JAK2: variants seen among roughly 807,000 people sequenced by gnomAD.
The protein encoded by JAK2 is Janus kinase 2.
JAK2 carries 86 observed loss-of-function variants against 139.3 expected under a neutral mutation model. That is an observed-to-expected ratio of 0.62 (90% CI 0.52 to 0.74). The LOEUF is 0.74. Ranked by LOEUF, JAK2 falls within the 30% of genes least tolerant of loss-of-function variation. JAK2 has a pLI of 0.00. For missense variants in JAK2, 1,421 were observed against 1,360.3 expected (o/e 1.04, Z -0.70); for synonymous variants, 490 against 437.7 (o/e 1.12, Z -1.49).
At chr9:5,041,161 T>A (rs961219553) in intron 4 of JAK2, 12 of 1,192,032 alleles carry the variant, frequency 1.0e-5, no homozygotes, top group Admixed American at 3.6e-5. Context: ...CGCGCATGGA[T>A]TATGTGCACA....
At chr9:5,125,158 A>G (rs577684263) in intron 23 of JAK2, among the ~76,000 whole-genome samples, 4 of 151,360 alleles carry the variant, frequency 2.6e-5, no homozygotes, top group African/African-American at 4.8e-5. Context: ...GACCACCTCA[A>G]TATTGTGGTA....
At chr9:5,084,114 A>T (rs564403156) in intron 19 of JAK2, among the ~76,000 whole-genome samples, 19 of 152,304 alleles carry the variant, frequency 1.2e-4, no homozygotes, top group African/African-American at 4.3e-4. Context: ...TCTTTTAAAC[A>T]TAAGTAAATT....
rs147352504 is a variant in JAK2, at chr9:5,015,461, G to A, written c.-25-6502G>A. On this transcript the variant is annotated intron_variant, in intron 2 of 24. Coordinates refer to ENST00000381652, the MANE Select transcript of JAK2 (RefSeq NM_004972.4). ...GTACAGAAGTAATAGTGAGTTAAAC[G>A]GCTGGCACCTTAGCACAAATCAAAG... Among the ~76,000 whole-genome samples, 184 of 152,226 alleles carry A rather than the reference G, an allele frequency of 1.2e-3. 1 individual carries two copies. The highest frequency in any genetic ancestry group is 3.8e-3 in the African/African-American group (159 of 41,542).
At chr9:5,009,306 A>G (rs1020973872) in intron 2 of JAK2, among the ~76,000 whole-genome samples, 9 of 152,224 alleles carry the variant, frequency 5.9e-5, no homozygotes, top group Admixed American at 5.9e-4. Context: ...TTCATGATAA[A>G]GAATAAAGCC....
Position 5,126,817 on chromosome 9 carries a change from A to C in JAK2, c.*26A>C, listed in dbSNP as rs1433392716. ...AAGAAATGACCTTCATTCTGAGACC[A>C]AAGTAGATTTACAGAACAAAGTTTT... On this transcript the variant is annotated 3_prime_UTR_variant, in exon 25 of 25. Transcript: ENST00000381652. The C allele has an allele frequency of 7.0e-7, 1 of 1,418,572 alleles. No individual in the cohort carries two copies. Among genetic ancestry groups the C allele is most frequent in the Non-Finnish European group, 9.9e-7 (1 of 1,009,282 alleles). 87.9% of individuals were successfully genotyped at this position (1,418,572 alleles called of 1,614,324 possible).
chr9:5,122,517 C>T (rs1437960347), intron 22 of JAK2, among the ~76,000 whole-genome samples: 1 of 152,130 alleles, frequency 6.6e-6, no homozygotes, highest in Non-Finnish European at 1.5e-5. Context: ...AACCTTGGTG[C>T]TGTCTACAGA....
chr9:5,029,776 T>C lies in JAK2; in HGVS notation c.227-7T>C, dbSNP rs201577635. On this transcript the variant is annotated splice_region_variant and splice_polypyrimidine_tract_variant and intron_variant, in intron 3 of 24. Coordinates refer to ENST00000381652, the MANE Select transcript of JAK2 (RefSeq NM_004972.4). Reference sequence around the variant, plus strand: ...TTTAATAATTCCTTTCTCTGCTTCTTTTCTAGGTATCACACCTGTGTATCA... The same window carrying C: ...TTTAATAATTCCTTTCTCTGCTTCTCTTCTAGGTATCACACCTGTGTATCA... 94 of 1,602,188 alleles carry C rather than the reference T, an allele frequency of 5.9e-5. 2 individuals carry two copies. In the East Asian group the frequency reaches 2.1e-3, roughly 35 times the overall value.
At chr9:5,021,659 C>G (rs984282625) in intron 2 of JAK2, among the ~76,000 whole-genome samples, 1 of 152,146 alleles carries the variant, frequency 6.6e-6, no homozygotes, top group Non-Finnish European at 1.5e-5. Flanking sequence ...CAGGGTCTTG[C>G]TGTGTCACCC....
intron 22 of JAK2, chr9:5,100,798 T>G (rs1821417946): frequency 6.6e-6 from 1 of 152,348 alleles, no homozygotes; most frequent in South Asian, 2.1e-4. Flanking sequence ...TTTTACTATC[T>G]CTGATGGGAT....
intron 22 of JAK2, among the ~76,000 whole-genome samples, chr9:5,119,864 T>A (rs965154317): frequency 6.6e-6 from 1 of 152,192 alleles, no homozygotes; most frequent in Admixed American, 6.5e-5. Flanking sequence ...ATTTTTATAT[T>A]TGCAAGTAGA....
intron 8 of JAK2, among the ~76,000 whole-genome samples, chr9:5,062,500 TAAAAAAAAAAAAAAAAA>T (rs58424625): frequency 0.4 from 23,548 of 59,160 alleles, 2,575 homozygotes; most frequent in Middle Eastern, 0.49. Flanking sequence ...CTTCCATTTG[TAAAAAAAAAAAAAAAAA>T]AAAAAAAAAA....
At chr9:5,125,728 T>C (rs1164367238) in intron 23 of JAK2, among the ~76,000 whole-genome samples, 1 of 151,586 alleles carries the variant, frequency 6.6e-6, no homozygotes, top group East Asian at 1.9e-4. Flanking sequence ...TTTCCATTTC[T>C]TTTCTTAATG....
intron 8 of JAK2, among the ~76,000 whole-genome samples, chr9:5,062,621 T>A (rs1057514939): frequency 6.6e-6 from 1 of 151,442 alleles, no homozygotes; most frequent in Admixed American, 6.6e-5. Flanking sequence ...AGTGAACTGC[T>A]AGTTCAAAGG....
chr9:5,112,790 G>A, intron 22 of JAK2: 1 of 571,704 alleles, frequency 1.7e-6, no homozygotes, highest in Non-Finnish European at 2.8e-6. Context: ...CCCCCAGATG[G>A]TGCTTTCAGC....
chr9:4,994,776 C>T (rs982760124), intron 2 of JAK2, among the ~76,000 whole-genome samples: 2 of 152,186 alleles, frequency 1.3e-5, no homozygotes, highest in African/African-American at 4.8e-5. Context: ...CTCCACATCT[C>T]TTCAAGCTAT....
chr9:5,044,314 T>C, intron 4 of JAK2, 89 bp from the exon 5 acceptor site: 2 of 789,922 alleles, frequency 2.5e-6, no homozygotes, highest in Non-Finnish European at 4.3e-6. Context: ...GGATAATACC[T>C]TTCAGTATGC....
rs183597761 is a variant in JAK2 at position 5,015,284 on chromosome 9, C to T, written c.-25-6679C>T. On this transcript the variant is annotated intron_variant, in intron 2 of 24. Coordinates refer to ENST00000381652, the MANE Select transcript of JAK2 (RefSeq NM_004972.4). The stretch of plus-strand genomic sequence containing the variant: ...AATATGCATGAAGTTTGTAACTAGA[C>T]GTAGAATTGTAGCAGTTCTCAGAAC... 1.2e-3 allele frequency among the ~76,000 whole-genome samples: 183 copies of T among 152,264 alleles called. 1 individual carries two copies. The highest frequency in any genetic ancestry group is 3.9e-3 in the African/African-American group (162 of 41,550).
intron 2 of JAK2, among the ~76,000 whole-genome samples, chr9:5,001,028 C>A (rs1162747805): frequency 6.6e-6 from 1 of 152,120 alleles, no homozygotes; most frequent in Non-Finnish European, 1.5e-5. Flanking sequence ...TATAGAAATA[C>A]AATTGGTTTT....
At chr9:5,107,819 A>G (rs964927608) in intron 22 of JAK2, 1 of 152,140 alleles carries the variant, frequency 6.6e-6, no homozygotes, top group Non-Finnish European at 1.5e-5. Context: ...AATACCCATT[A>G]TCCTCCTAGT....
Sources: gnomAD v4.1 joint callset for allele counts (sites outside exome capture counted in the v4.1 genomes callset) on GRCh38, gnomAD v4.1.1 for gene constraint, MANE v1.5 for transcripts, NCBI Gene and HGNC (gene_info 2026-07-23, HGNC 2026-07-21) for gene names.